ZBTB20: variants seen among roughly 807,000 people sequenced by gnomAD.
ZBTB20 encodes the protein zinc finger and BTB domain containing 20, also known as zinc finger and BTB domain-containing protein 20.
A neutral mutation model predicts 56.9 loss-of-function variants in ZBTB20; 9 were observed. The observed-to-expected ratio is 0.16, with a 90% CI of 0.10 to 0.28. The LOEUF is 0.28. ZBTB20 is among the 10% of genes least tolerant of loss of function. ZBTB20 has a pLI of 1.00. For missense variants in ZBTB20, 655 were observed against 1,003.0 expected (o/e 0.65, Z 4.69); for synonymous variants, 417 against 420.7 (o/e 0.99, Z 0.11).
intron 7 of ZBTB20, among the ~76,000 whole-genome samples, chr3:114,485,595 C>T (rs1185125906): frequency 6.6e-6 from 1 of 152,142 alleles, no homozygotes; most frequent in Non-Finnish European, 1.5e-5. Context: ...TCTGAATGTT[C>T]ACCACCCCCC....
intron 5 of ZBTB20, among the ~76,000 whole-genome samples, chr3:114,723,571 TA>T (rs1206664047): frequency 6.6e-6 from 1 of 152,144 alleles, no homozygotes; most frequent in East Asian, 1.9e-4. Context: ...TGAAGCTCTG[TA>T]AAAAATCAGC....
intron 6 of ZBTB20, among the ~76,000 whole-genome samples, chr3:114,535,232 ATAGACCGC>A (rs1395249354): frequency 6.6e-6 from 1 of 152,188 alleles, no homozygotes; most frequent in Non-Finnish European, 1.5e-5. Context: ...AACAAAGCAG[ATAGACCGC>A]TAGCCAGACT....
chr3:114,788,068 T>C (rs1330839390), intron 5 of ZBTB20, among the ~76,000 whole-genome samples: 2 of 152,170 alleles, frequency 1.3e-5, no homozygotes, highest in Admixed American at 6.6e-5. Flanking sequence ...TAAATTACCA[T>C]ATTTCATAAA....
intron 2 of ZBTB20, among the ~76,000 whole-genome samples, chr3:114,985,123 T>A (rs2078482645): frequency 2.0e-5 from 3 of 152,116 alleles, no homozygotes; most frequent in Non-Finnish European, 1.5e-5. Context: ...ACTATTTTAC[T>A]TATTTATAAA....
At chr3:114,721,299 G>A (rs2064891432) in intron 5 of ZBTB20, among the ~76,000 whole-genome samples, 1 of 152,034 alleles carries the variant, frequency 6.6e-6, no homozygotes, top group African/African-American at 2.4e-5. Context: ...CTGAAACAGG[G>A]AGAGCATAAA....
At chr3:114,915,368 C>T (rs1260462832) in intron 3 of ZBTB20, among the ~76,000 whole-genome samples, 1 of 151,798 alleles carries the variant, frequency 6.6e-6, no homozygotes, top group African/African-American at 2.4e-5. Flanking sequence ...TTAATAGTTG[C>T]TTATAGTAGC....
At chr3:114,802,615 A>T (rs2071798372) in intron 4 of ZBTB20, among the ~76,000 whole-genome samples, 1 of 151,904 alleles carries the variant, frequency 6.6e-6, no homozygotes. Flanking sequence ...AGAGGAGGGG[A>T]GTGCACATTA....
At chr3:114,783,971 A>G (rs2070307362) in intron 5 of ZBTB20, among the ~76,000 whole-genome samples, 1 of 152,148 alleles carries the variant, frequency 6.6e-6, no homozygotes, top group African/African-American at 2.4e-5. Flanking sequence ...TATAGGCAAT[A>G]CCAATTCTTA....
At chr3:115,131,330 G>A (rs1241051327) in intron 1 of ZBTB20, among the ~76,000 whole-genome samples, 3 of 151,950 alleles carry the variant, frequency 2.0e-5, no homozygotes, top group Non-Finnish European at 2.9e-5. Flanking sequence ...CATATTCAAG[G>A]ATCTTTGTAA....
chr3:115,067,108 A>G (rs1279197965), intron 2 of ZBTB20, among the ~76,000 whole-genome samples: 1 of 152,090 alleles, frequency 6.6e-6, no homozygotes, highest in Non-Finnish European at 1.5e-5. Flanking sequence ...ACACATTATT[A>G]TAGTAAGGGC....
rs1417607237 is a variant in ZBTB20, at chr3:114,687,206, TG to T, written c.-295+6321del. ...ATTTAAAGATGATTTCCAGCTGAAATGTTTTTTTTTTTTTTTTTCTGGAGAC... is the reference window on the plus strand; with the variant it reads ...ATTTAAAGATGATTTCCAGCTGAAATTTTTTTTTTTTTTTTTTCTGGAGAC... On this transcript the variant is annotated intron_variant, in intron 6 of 11. Transcript: ENST00000675478. 6.4e-4 allele frequency: 97 copies of T among 151,138 alleles called. 1 individual carries two copies. The highest frequency in any genetic ancestry group is 3.1e-3 in the South Asian group (15 of 4,776). 9.4% of individuals were successfully genotyped at this position (151,138 alleles called of 1,614,324 possible). A position where few individuals can be genotyped will look rare whatever the true frequency, so the allele number is the denominator to read the frequency against.
At chr3:114,494,827 C>T (rs556118688) in intron 7 of ZBTB20, among the ~76,000 whole-genome samples, 1 of 152,324 alleles carries the variant, frequency 6.6e-6, no homozygotes, top group Admixed American at 6.5e-5. Context: ...TTTTGGTTCC[C>T]TAGCTATCAG....
chr3:115,014,254 G>C (rs1428239620), intron 2 of ZBTB20, among the ~76,000 whole-genome samples: 1 of 151,632 alleles, frequency 6.6e-6, no homozygotes. Context: ...GGCTATCAGA[G>C]GTTGGGAAAG....
intron 3 of ZBTB20, among the ~76,000 whole-genome samples, chr3:114,922,967 G>A (rs966258756): frequency 2.0e-5 from 3 of 152,064 alleles, no homozygotes; most frequent in African/African-American, 7.2e-5. Flanking sequence ...ATTATAAAAC[G>A]ATTCCACTTA....
intron 6 of ZBTB20, among the ~76,000 whole-genome samples, chr3:114,529,855 C>A (rs973324785): frequency 6.6e-6 from 1 of 152,196 alleles, no homozygotes; most frequent in Non-Finnish European, 1.5e-5. Context: ...GTATGGCTTG[C>A]CTTTTTTATA....
chr3:114,479,701 G>A (rs150849506), intron 7 of ZBTB20, among the ~76,000 whole-genome samples: 29 of 152,246 alleles, frequency 1.9e-4, no homozygotes, highest in African/African-American at 5.3e-4. Flanking sequence ...ATGGCTCAGC[G>A]TTCTAGAAAT....
intron 11 of ZBTB20, among the ~76,000 whole-genome samples, chr3:114,349,149 G>A (rs1416553986): frequency 2.7e-5 from 4 of 149,758 alleles, no homozygotes; most frequent in Non-Finnish European, 3.0e-5. Context: ...GCAGTGAGCC[G>A]AGATCATGCT....
In ZBTB20 at chr3:114,766,489, ATGTGTGTGTGTG is replaced by A. The variant is rs71297433; in HGVS notation, c.-343+34600_-343+34611del. On this transcript the variant is annotated intron_variant, in intron 5 of 11. Coordinates refer to ENST00000675478, the MANE Select transcript of ZBTB20 (RefSeq NM_001348800.3). ...AAAAGGATTCAATAGTGGGATGGAAATGTGTGTGTGTGTGTGTGTGTGTGTGTGTGTGTGTGT... is the reference window on the plus strand; with the variant it reads ...AAAAGGATTCAATAGTGGGATGGAAATGTGTGTGTGTGTGTGTGTGTGTGT... 2.5e-4 allele frequency among the ~76,000 whole-genome samples: 35 copies of A among 139,082 alleles called. 1 individual carries two copies. The highest frequency in any genetic ancestry group is 6.5e-4 in the Admixed American group (9 of 13,804). The allele number at this position is 139,082 out of a possible 152,430, so 91.2% of individuals were successfully genotyped here. A position where few individuals can be genotyped will look rare whatever the true frequency, so the allele number is the denominator to read the frequency against.
chr3:115,137,892 A>T (rs1056069623), intron 1 of ZBTB20, among the ~76,000 whole-genome samples: 1 of 152,058 alleles, frequency 6.6e-6, no homozygotes, highest in African/African-American at 2.4e-5. Flanking sequence ...TACATTGCAT[A>T]TCTTTGTCAT....
Sources: gnomAD v4.1 joint callset for allele counts (sites outside exome capture counted in the v4.1 genomes callset) on GRCh38, gnomAD v4.1.1 for gene constraint, MANE v1.5 for transcripts, NCBI Gene and HGNC (gene_info 2026-07-23, HGNC 2026-07-21) for gene names.